The following ETFDH variants were observed in gnomAD, a reference collection of about 807,000 sequenced individuals.
The protein encoded by ETFDH is electron transfer flavoprotein dehydrogenase, also known as electron transfer flavoprotein-ubiquinone oxidoreductase, mitochondrial.
In ETFDH, 61 loss-of-function variants were observed where a neutral mutation model predicts 73.2. That is an observed-to-expected ratio of 0.83 (90% confidence interval 0.68 to 1.03). ETFDH has a LOEUF of 1.03. Ranked by LOEUF, ETFDH falls within the 50% of genes least tolerant of loss-of-function variation. ETFDH has a pLI of 0.00. For synonymous variants in ETFDH, 243 were observed against 253.3 expected, an observed-to-expected ratio of 0.96 and a Z score of 0.39; for missense variants, 685 against 745.0, an observed-to-expected ratio of 0.92 and a Z score of 0.94.
intron 12 of ETFDH, 152 bp downstream of exon 12, chr4:158,707,002 A>G (rs900001616): frequency 3.6e-5 from 22 of 609,898 alleles, no homozygotes; most frequent in African/African-American, 3.5e-4. Context: ...ACTTTTAACT[A>G]CTGGTTTTGT....
chr4:158,673,942 A>G lies in ETFDH; in HGVS notation c.34+1452A>G, dbSNP rs138092865. Among the ~76,000 whole-genome samples the G allele has an allele frequency of 2.6e-3, 394 of 152,320 alleles. 2 individuals are homozygous for G. The highest frequency in any genetic ancestry group is 4.8e-3 in the Non-Finnish European group (327 of 68,032). The stretch of plus-strand genomic sequence containing the variant: ...TCAACCACGGAGACTGAATATTCCA[A>G]TCTCTAAAGTGAGATATCAGATGTG... On this transcript the variant is annotated intron_variant, in intron 1 of 12. Coordinates refer to ENST00000511912, the MANE Select transcript of ETFDH (RefSeq NM_004453.4).
In ETFDH at chr4:158,672,599, A is replaced by T; in HGVS notation, c.34+109A>T. The T allele has an allele frequency of 5.3e-6, 6 of 1,131,838 alleles. No homozygotes were observed. The South Asian group carries it at 6.3e-5, about 12-fold the overall frequency. The allele number at this position is 1,131,838 out of a possible 1,614,324, so 70.1% of individuals were successfully genotyped here. A position where few individuals can be genotyped will look rare whatever the true frequency, so the allele number is the denominator to read the frequency against. On this transcript the variant is annotated intron_variant, in intron 1 of 12. Coordinates refer to ENST00000511912, the MANE Select transcript of ETFDH (RefSeq NM_004453.4). ...CGCCCCTTCTCTCATCAGCTTTCTC[A>T]GGCTATCTAGGGCAAAGGTCACGCG... is the stretch of plus-strand genomic sequence containing the variant.
rs772560728 is a variant in ETFDH at position 158,695,625 on chromosome 4, C to T, written c.813C>T (p.Tyr271=). The T allele has an allele frequency of 1.2e-5, 19 of 1,609,604 alleles. No individual in the cohort carries two copies. Among genetic ancestry groups the T allele is most frequent in the Middle Eastern group, 1.6e-4 (1 of 6,070 alleles). The change falls in exon 7 of 13, where the codon TAC becomes TAT. Residue 271 remains tyrosine, a synonymous_variant. Transcript: ENST00000511912. ...GAGCAAATTGTGAACCTCAAACCTACGGGATTGGACTGAAGGAGGTATCCT... is the reference window on the plus strand; with the variant it reads ...GAGCAAATTGTGAACCTCAAACCTATGGGATTGGACTGAAGGAGGTATCCT... ...DLRANCEPQT[Y]GIGLKELWVI...
At chr4:158,685,306 T>G (rs1773977382) in intron 5 of ETFDH, 87 bp downstream of exon 5, 2 of 785,464 alleles carry the variant, frequency 2.5e-6, no homozygotes, top group Non-Finnish European at 4.4e-6. Flanking sequence ...AAGAAATAAA[T>G]ATTTTTTAAA....
intron 9 of ETFDH, among the ~76,000 whole-genome samples, chr4:158,700,389 C>T (rs1378968432): frequency 6.6e-6 from 1 of 151,930 alleles, no homozygotes; most frequent in African/African-American, 2.4e-5. Context: ...AAAATAATGT[C>T]CATAATAGTT....
At position 158,672,468 on chromosome 4, in the gene ETFDH, G is replaced by A. The variant is rs373776053; in HGVS notation, c.12G>A (p.Pro4=). 7.5e-5 allele frequency: 121 copies of A among 1,614,068 alleles called. No individual in the cohort carries two copies. Among genetic ancestry groups the A allele is most frequent in the Non-Finnish European group, 1.0e-4 (118 of 1,180,024 alleles). MLV[P]LAKLSCLAYQ... ...TGGTGACTTTGAACATGCTGGTGCCGCTAGCCAAGCTGTCCTGCCTGGGTG... is the reference window on the plus strand; with the variant it reads ...TGGTGACTTTGAACATGCTGGTGCCACTAGCCAAGCTGTCCTGCCTGGGTG... Residue 4 remains proline (P), a synonymous_variant, in exon 1 of 13, where the codon CCG becomes CCA. Coordinates refer to ENST00000511912, the MANE Select transcript of ETFDH (RefSeq NM_004453.4).
chr4:158,684,765 A>G, intron 4 of ETFDH, 92 bp downstream of exon 4: 2 of 809,856 alleles, frequency 2.5e-6, no homozygotes, highest in Non-Finnish European at 4.4e-6. Flanking sequence ...TTTACAGACA[A>G]GAACTGAGAC....
intron 6 of ETFDH, among the ~76,000 whole-genome samples, chr4:158,691,808 A>G (rs192060975): frequency 2.5e-4 from 38 of 152,336 alleles, no homozygotes; most frequent in African/African-American, 8.7e-4. Flanking sequence ...AAAGATAAGG[A>G]AAAAAATAGC....
chr4:158,695,439 A>G, intron 6 of ETFDH, 58 bp from the exon 7 acceptor site: 8 of 1,406,278 alleles, frequency 5.7e-6, no homozygotes, highest in Non-Finnish European at 5.0e-6. Context: ...ATCTGACCAG[A>G]ATGTGAATGT....
chr4:158,687,576 C>T (rs1002714828), intron 5 of ETFDH, among the ~76,000 whole-genome samples: 2 of 152,142 alleles, frequency 1.3e-5, no homozygotes, highest in East Asian at 1.9e-4. Flanking sequence ...TCTTCTTACC[C>T]CCTTTACAAA....
chr4:158,705,089 G>C (rs987742646), intron 10 of ETFDH, among the ~76,000 whole-genome samples: 6 of 152,290 alleles, frequency 3.9e-5, no homozygotes, highest in African/African-American at 1.4e-4. Flanking sequence ...GCCAGAACAG[G>C]AAACAATGAC....
At chr4:158,680,111 A>AAAAAAG in intron 1 of ETFDH, 1 of 154,232 alleles carries the variant, frequency 6.5e-6, no homozygotes, top group East Asian at 1.9e-4. Context: ...AGAAGAAGAA[A>AAAAAAG]AAGAAGAAGA....
Position 158,682,291 on chromosome 4 carries a change from C to G in ETFDH, c.272C>G (p.Ala91Gly). The part of the protein sequence containing the change: ...LSAAVRLKQL[A>G]VAHEKDIRVC... ...GCAGCTGTTCGTCTAAAACAGTTGGCTGTGGCACATGAAAAGGACATCCGT... is the reference window on the plus strand; with the variant it reads ...GCAGCTGTTCGTCTAAAACAGTTGGGTGTGGCACATGAAAAGGACATCCGT... The change falls in exon 3 of 13, where the codon GCT becomes GGT. Residue 91 changes from alanine to glycine, a missense_variant. Physicochemically the swap from Ala to Gly is moderately conservative, Grantham distance 60. This residue lies in a region of ETFDH where 405 missense variants were observed against 399.3 expected (regional missense o/e 1.01). Transcript: ENST00000511912. 2 of 1,614,138 alleles carry G rather than the reference C, an allele frequency of 1.2e-6. No individual in the cohort carries two copies. The highest frequency in any genetic ancestry group is 4.5e-5 in the East Asian group (2 of 44,876).
intron 6 of ETFDH, among the ~76,000 whole-genome samples, chr4:158,694,161 G>A (rs563235934): frequency 6.6e-6 from 1 of 152,182 alleles, no homozygotes; most frequent in Admixed American, 6.5e-5. Flanking sequence ...CAAAGAAAAG[G>A]AACGTATATT....
chr4:158,695,282 C>T (rs1390963803), intron 6 of ETFDH, among the ~76,000 whole-genome samples: 1 of 152,086 alleles, frequency 6.6e-6, no homozygotes. Flanking sequence ...TTGAGCTATA[C>T]AGTGACTTGA....
intron 6 of ETFDH, among the ~76,000 whole-genome samples, chr4:158,695,272 T>A (rs1774279745): frequency 6.6e-6 from 1 of 152,146 alleles, no homozygotes; most frequent in African/African-American, 2.4e-5. Flanking sequence ...AGAGAAAGAT[T>A]TGAGCTATAC....
chr4:158,691,603 G>C (rs184136015), intron 6 of ETFDH, among the ~76,000 whole-genome samples: 2 of 152,180 alleles, frequency 1.3e-5, no homozygotes, highest in Non-Finnish European at 2.9e-5. Flanking sequence ...GATTACAGGC[G>C]TGAGCCACCG....
intron 6 of ETFDH, 141 bp downstream of exon 6, chr4:158,690,566 C>A: frequency 4.3e-6 from 3 of 694,636 alleles, no homozygotes; most frequent in Admixed American, 2.2e-5. Flanking sequence ...GTAGTCCTAG[C>A]TACTTTGGAG....
intron 10 of ETFDH, among the ~76,000 whole-genome samples, chr4:158,704,704 G>A (rs1393427563): frequency 2.0e-5 from 3 of 152,174 alleles, no homozygotes; most frequent in African/African-American, 2.4e-5. Context: ...CTGGCACACG[G>A]TAGCGACTCC....
Sources: gnomAD v4.1 joint callset for allele counts (sites outside exome capture counted in the v4.1 genomes callset) on GRCh38, gnomAD v4.1.1 for gene constraint, gnomAD v4.1.1 regional missense constraint, MANE v1.5 for transcripts, NCBI Gene and HGNC (gene_info 2026-07-23, HGNC 2026-07-21) for gene names.